Variants in ADAM33 observed in about 807,000 individuals in gnomAD.
ADAM33 encodes the protein ADAM metallopeptidase domain 33, also known as disintegrin and metalloproteinase domain-containing protein 33.
Under a neutral mutation model 106.2 loss-of-function variants are expected in ADAM33, and 103 were observed. That is an observed-to-expected ratio of 0.97 (90% CI 0.83 to 1.14). ADAM33 has a LOEUF of 1.14. Ranked by LOEUF, ADAM33 falls within the 50% of genes most tolerant of loss-of-function variation. The probability of loss-of-function intolerance (pLI) is 0.00; values close to 1 mark genes in which losing one functional copy is unlikely to be tolerated. For synonymous variants in ADAM33, 483 were observed against 453.0 expected, an observed-to-expected ratio of 1.07 and a Z score of -0.84; for missense variants, 1,120 against 1,096.6, an observed-to-expected ratio of 1.02 and a Z score of -0.30.
chr20:3,669,537 C>T lies in ADAM33; in HGVS notation c.2332+9G>A, dbSNP rs771999108. The T allele has an allele frequency of 5.7e-6, 9 of 1,576,844 alleles. No individual in the cohort carries two copies. The South Asian group carries it at 7.0e-5, about 12-fold the overall frequency. ...TTCCCTCTCCACCTCCCCCTGGTGC[C>T]TCACTCACCCAGGGGCCAGGGCTGT... On this transcript the variant is annotated intron_variant, in intron 20 of 21. Coordinates refer to ENST00000356518, the MANE Select transcript of ADAM33 (RefSeq NM_025220.5).
chr20:3,677,015 GC>G (rs774265516), intron 3 of ADAM33, 51 bp downstream of exon 3: 10 of 1,576,058 alleles, frequency 6.3e-6, no homozygotes, highest in Non-Finnish European at 6.9e-6. Context: ...GTCAGTCCCT[GC>G]CCCCCAACAC....
chr20:3,672,684 G>A (rs760170414), intron 12 of ADAM33, 37 bp downstream of exon 12: 3 of 1,603,244 alleles, frequency 1.9e-6, no homozygotes, highest in South Asian at 1.1e-5. Context: ...AGACCTGAGC[G>A]GAGAGGGCAA....
chr20:3,673,365 A>T lies in ADAM33; in HGVS notation c.1122T>A (p.Ala374=), dbSNP rs763033820. 1 of 1,539,984 alleles carries T rather than the reference A, an allele frequency of 6.5e-7. No homozygotes were observed. Among genetic ancestry groups the T allele is most frequent in the Non-Finnish European group, 8.7e-7 (1 of 1,149,452 alleles). Residue 374 remains alanine (A), a synonymous_variant, in exon 11 of 22, where the codon GCT becomes GCA. Coordinates refer to ENST00000356518, the MANE Select transcript of ADAM33 (RefSeq NM_025220.5). The part of the protein sequence containing the change: ...AAAESGGCVM[A]AATGHPFPRV... ...CCCCACCCGCGTACCCGGTGGCCGCAGCCATGACGCAGCCTCCGGACTCGG... is the reference window on the plus strand; with the variant it reads ...CCCCACCCGCGTACCCGGTGGCCGCTGCCATGACGCAGCCTCCGGACTCGG...
At position 3,675,006 on chromosome 20, in the gene ADAM33, G is replaced by C. The variant is rs759142339; in HGVS notation, c.333+21C>G. 3 of 1,613,338 alleles carry C rather than the reference G, an allele frequency of 1.9e-6. No individual in the cohort carries two copies. In the East Asian group the frequency reaches 6.7e-5, roughly 36 times the overall value. ...GGGGTACCTCTGGCGGTGCATCCCA[G>C]AGCCCATGGAAGCATCTCACCGTGT... On this transcript the variant is annotated intron_variant, in intron 4 of 21. Transcript: ENST00000356518. This position sits in a 1 kb window ranked among gnomAD's most constrained non-coding sequence, Gnocchi z 4.1.
rs1390674310 is a variant in ADAM33, at chr20:3,679,564, GAT to G, written c.103_104del (p.Ile35ProfsTer38). 8 of 1,607,880 alleles carry G rather than the reference GAT, an allele frequency of 5.0e-6. No individual in the cohort carries two copies. Among genetic ancestry groups the G allele is most frequent in the African/African-American group, 4.0e-5 (3 of 74,818 alleles). ...AGTGCGGGGTGACTGGCTGCCCAGGGATATGTCCTGGAGTAAAGACAGAGCAC... is the reference window on the plus strand; with the variant it reads ...AGTGCGGGGTGACTGGCTGCCCAGGGATGTCCTGGAGTAAAGACAGAGCAC... ...VPGAGVLQGH[I>X]PGQPVTPHWV... On this transcript the variant is annotated frameshift_variant, in exon 2 of 22. Coordinates refer to ENST00000356518, the MANE Select transcript of ADAM33 (RefSeq NM_025220.5). LOFTEE classifies it high-confidence loss of function.
rs991632004 is a variant in ADAM33 at position 3,681,979 on chromosome 20, C to T, written c.26G>A (p.Arg9Gln). ...TAGCAGCAGCAGCAACGGGGTCCCCCGAGCTCTCCGGGGCCTCCAGCCCAT... is the reference window on the plus strand; with the variant it reads ...TAGCAGCAGCAGCAACGGGGTCCCCTGAGCTCTCCGGGGCCTCCAGCCCAT... MGWRPRRA[R>Q]GTPLLLLLLL... Residue 9 changes from arginine to glutamine, a missense_variant, in exon 1 of 22, where the codon CGG (arginine) becomes CAG (glutamine). Coordinates refer to ENST00000356518, the MANE Select transcript of ADAM33 (RefSeq NM_025220.5). The T allele has an allele frequency of 6.5e-7, 1 of 1,542,124 alleles. No individual in the cohort carries two copies.
At chr20:3,680,520 C>T (rs2088395504) in intron 1 of ADAM33, among the ~76,000 whole-genome samples, 1 of 152,200 alleles carries the variant, frequency 6.6e-6, no homozygotes, top group Non-Finnish European at 1.5e-5. Context: ...GACCCTTCCT[C>T]CAAGAAGCCC....
intron 2 of ADAM33, 114 bp downstream of exon 2, chr20:3,679,378 A>T: frequency 2.8e-6 from 3 of 1,067,786 alleles, no homozygotes; most frequent in South Asian, 1.5e-5. Flanking sequence ...CTATAGGAGT[A>T]GTGACTTGGT....
In ADAM33 at chr20:3,668,916, G is replaced by A. The variant is rs749663083; in HGVS notation, c.*47C>T. 6.2e-7 allele frequency: 1 copy of A among 1,606,428 alleles called. No individual in the cohort carries two copies. The highest frequency in any genetic ancestry group is 1.1e-5 in the South Asian group (1 of 90,848). Reference sequence around the variant, plus strand: ...TGCAGTTCAAGTTCCTGGAGTGGCTGTCAGTGGCCACCTGTCTTTAAATCT... The same window carrying A: ...TGCAGTTCAAGTTCCTGGAGTGGCTATCAGTGGCCACCTGTCTTTAAATCT... On this transcript the variant is annotated 3_prime_UTR_variant, in exon 22 of 22. Transcript: ENST00000356518.
Position 3,673,615 on chromosome 20 carries a change from C to T in ADAM33, c.949G>A (p.Glu317Lys). 2 of 1,360,400 alleles carry T rather than the reference C, an allele frequency of 1.5e-6. No individual in the cohort carries two copies. The highest frequency in any genetic ancestry group is 1.9e-6 in the Non-Finnish European group (2 of 1,064,130). The allele number at this position is 1,360,400 out of a possible 1,614,324, so 84.3% of individuals were successfully genotyped here. A position where few individuals can be genotyped will look rare whatever the true frequency, so the allele number is the denominator to read the frequency against. ...QGATVGLAPV[E>K]GMCRAESSGG... The stretch of plus-strand genomic sequence containing the variant: ...GAGCTCTCGGCGCGGCACATGCCCT[C>T]GACGGGCGCCAGGCCCACTGTGGCG... Residue 317 changes from glutamate (E) to lysine (K), a missense_variant, in exon 10 of 22, where the codon GAG becomes AAG. Glu to Lys is a moderately conservative substitution (Grantham distance 56). Coordinates refer to ENST00000356518, the MANE Select transcript of ADAM33 (RefSeq NM_025220.5).
At position 3,673,476 on chromosome 20, in the gene ADAM33, G is replaced by T. The variant is rs1489457668; in HGVS notation, c.1011C>A (p.Ile337=). The T allele has an allele frequency of 9.8e-6, 15 of 1,536,836 alleles. No homozygotes were observed. The highest frequency in any genetic ancestry group is 1.3e-5 in the Non-Finnish European group (15 of 1,148,616). The part of the protein sequence containing the change: ...GVSTDHSELP[I]GAAATMAHEI... ...CATGGGCCATGGTGGCTGCGGCGCC[G>T]ATGGGGAGCTCCGAGTGGTCCTGGG... The change falls in exon 11 of 22, where the codon ATC becomes ATA. Residue 337 remains isoleucine, a synonymous_variant. Coordinates refer to ENST00000356518, the MANE Select transcript of ADAM33 (RefSeq NM_025220.5).
chr20:3,680,061 G>T (rs191363848), intron 1 of ADAM33, among the ~76,000 whole-genome samples: 10 of 152,154 alleles, frequency 6.6e-5, no homozygotes, highest in African/African-American at 2.4e-4. Flanking sequence ...AGCTCCCTCG[G>T]GGACTCTGTC....
intron 1 of ADAM33, among the ~76,000 whole-genome samples, chr20:3,681,449 A>G (rs1009497636): frequency 2.0e-5 from 3 of 152,182 alleles, no homozygotes; most frequent in Non-Finnish European, 2.9e-5. Context: ...CTGAGAGCAA[A>G]GCAGGGACTC....
At chr20:3,673,947 G>A in intron 8 of ADAM33, 36 bp from the exon 9 acceptor site, 1 of 1,575,422 alleles carries the variant, frequency 6.3e-7, no homozygotes, top group Non-Finnish European at 8.6e-7. Flanking sequence ...GGGACAGGGC[G>A]CCCCATCGCG....
chr20:3,672,860 C>A lies in ADAM33; in HGVS notation c.1172G>T (p.Arg391Leu). Reference sequence around the variant, plus strand: ...CTTGCGGAAGAAGGCGCGCAGCTGGCGGCGGCTGCAGGCGCTGAACACGCG... The same window carrying A: ...CTTGCGGAAGAAGGCGCGCAGCTGGAGGCGGCTGCAGGCGCTGAACACGCG... ...FPRVFSACSR[R>L]QLRAFFRKGG... The change falls in exon 12 of 22, where the codon CGC becomes CTC. Residue 391 changes from arginine to leucine, a missense_variant. Physicochemically the swap from Arg to Leu is moderately radical, Grantham distance 102. Transcript: ENST00000356518. The A allele has an allele frequency of 6.3e-7, 1 of 1,577,136 alleles. No individual in the cohort carries two copies. Among genetic ancestry groups the A allele is most frequent in the Non-Finnish European group, 8.5e-7 (1 of 1,169,738 alleles).
At chr20:3,674,037 C>T in intron 8 of ADAM33, 27 bp downstream of exon 8, 1 of 1,613,582 alleles carries the variant, frequency 6.2e-7, no homozygotes. Flanking sequence ...CCACCCCCAT[C>T]ACCGCTCTCT....
intron 1 of ADAM33, among the ~76,000 whole-genome samples, chr20:3,679,910 G>A (rs1568824101): frequency 1.3e-5 from 2 of 152,202 alleles, no homozygotes; most frequent in Non-Finnish European, 1.5e-5. Context: ...GAAGGAAAGA[G>A]CGCGGCAGCC....
In ADAM33 at chr20:3,675,175, T is replaced by C. The variant is rs554561448; in HGVS notation, c.255-70A>G. The C allele has an allele frequency of 4.2e-5, 51 of 1,224,084 alleles. No homozygotes were observed. The African/African-American group carries it at 7.1e-4, about 17-fold the overall frequency. 75.8% of individuals were successfully genotyped at this position (1,224,084 alleles called of 1,614,324 possible). A position where few individuals can be genotyped will look rare whatever the true frequency, so the allele number is the denominator to read the frequency against. On this transcript the variant is annotated intron_variant, in intron 3 of 21. Coordinates refer to ENST00000356518, the MANE Select transcript of ADAM33 (RefSeq NM_025220.5). This position sits in a 1 kb window ranked among gnomAD's most constrained non-coding sequence, Gnocchi z 4.1. ...GCCTCCTCCAGGATGTCTCCCAGCC[T>C]TCCTCCCTAAATGCTAATGGAGCAG...
In ADAM33 at chr20:3,672,243, G is replaced by C. The variant is rs762134030; in HGVS notation, c.1488C>G (p.Pro496=). 1 of 1,613,430 alleles carries C rather than the reference G, an allele frequency of 6.2e-7. No homozygotes were observed. Among genetic ancestry groups the C allele is most frequent in the Non-Finnish European group, 8.5e-7 (1 of 1,180,028 alleles). ...AGCCGTCCAGTAGGTAAACGTCTGG[G>C]GGACAGTGGGAGGAGGTGCCCGTGC... ...EFCTGTSSHC[P]PDVYLLDGSP... is the part of the protein sequence containing the mutation. Residue 496 remains proline, a synonymous_variant, in exon 14 of 22, where the codon CCC becomes CCG. Transcript: ENST00000356518.
Sources: gnomAD v4.1 joint callset for allele counts (sites outside exome capture counted in the v4.1 genomes callset) on GRCh38, gnomAD v4.1.1 for gene constraint, Gnocchi (gnomAD v3.1) non-coding constraint, MANE v1.5 for transcripts, NCBI Gene and HGNC (gene_info 2026-07-23, HGNC 2026-07-21) for gene names.